SRBD1: variants seen among roughly 807,000 people sequenced by gnomAD.
SRBD1 encodes the protein S1 RNA binding domain 1.
Under a neutral mutation model 115.3 loss-of-function variants are expected in SRBD1, and 88 were observed. The ratio of observed to expected loss-of-function variants is 0.76; its 90% confidence interval spans 0.64 to 0.91. The LOEUF (loss-of-function observed/expected upper bound fraction) is 0.91. SRBD1 is among the 40% of genes least tolerant of loss of function. SRBD1 has a pLI of 0.00. For synonymous variants in SRBD1, 509 were observed against 407.7 expected, an observed-to-expected ratio of 1.25 and a Z score of -2.99; for missense variants, 1,385 against 1,177.4, an observed-to-expected ratio of 1.18 and a Z score of -2.58.
intron 16 of SRBD1, among the ~76,000 whole-genome samples, chr2:45,470,564 G>C (rs1005632896): frequency 6.6e-6 from 1 of 152,146 alleles, no homozygotes; most frequent in Non-Finnish European, 1.5e-5. Context: ...TAATGAGCAT[G>C]AAAGTACCGA....
intron 20 of SRBD1, among the ~76,000 whole-genome samples, chr2:45,390,543 C>T (rs147238259): frequency 1.6e-3 from 237 of 152,254 alleles, no homozygotes; most frequent in Non-Finnish European, 2.5e-3. Context: ...ATCCATGCTC[C>T]TCCTGAAGGC....
chr2:45,501,805 G>A (rs1427238080), intron 14 of SRBD1, among the ~76,000 whole-genome samples: 1 of 152,164 alleles, frequency 6.6e-6, no homozygotes, highest in Non-Finnish European at 1.5e-5. Flanking sequence ...CTCGAACTGG[G>A]TGGAGTCCAC....
intron 14 of SRBD1, among the ~76,000 whole-genome samples, chr2:45,522,307 T>C (rs561793048): frequency 6.6e-6 from 1 of 152,252 alleles, no homozygotes; most frequent in East Asian, 1.9e-4. Context: ...CAAGTAGCTG[T>C]AGCTGGGACT....
At position 45,551,275 on chromosome 2, in the gene SRBD1, G is replaced by A. The variant is rs753915787; in HGVS notation, c.1525C>T (p.Leu509=). Residue 509 remains leucine (L), a synonymous_variant, in exon 12 of 21, where the codon CTA becomes TTA. Coordinates refer to ENST00000263736, the MANE Select transcript of SRBD1 (RefSeq NM_018079.5). ...PLLCREFRAK[L]TSDAEKESVM... is the part of the protein sequence containing the mutation. ...GATTCCTTCTCTGCATCTGATGTTAGTTTGGCTCTTTAGAAATAGAAGAAA... is the reference window on the plus strand; with the variant it reads ...GATTCCTTCTCTGCATCTGATGTTAATTTGGCTCTTTAGAAATAGAAGAAA... 1 of 1,590,278 alleles carries A rather than the reference G, an allele frequency of 6.3e-7. No individual in the cohort carries two copies. Among genetic ancestry groups the A allele is most frequent in the Non-Finnish European group, 8.5e-7 (1 of 1,174,924 alleles).
chr2:45,411,566 CG>C (rs1667604105), intron 19 of SRBD1, among the ~76,000 whole-genome samples: 1 of 152,092 alleles, frequency 6.6e-6, no homozygotes, highest in African/African-American at 2.4e-5. Flanking sequence ...AGTAACTGAT[CG>C]GAAGAGGTAT....
intron 14 of SRBD1, among the ~76,000 whole-genome samples, chr2:45,502,595 A>G (rs1670668098): frequency 6.8e-6 from 1 of 146,578 alleles, no homozygotes; most frequent in Non-Finnish European, 1.5e-5. Context: ...AAAACCATAC[A>G]CCGCATGTTC....
At chr2:45,425,933 C>T (rs1049099335) in intron 16 of SRBD1, among the ~76,000 whole-genome samples, 216 of 152,158 alleles carry the variant, frequency 1.4e-3, no homozygotes, top group Non-Finnish European at 1.2e-4. Context: ...ATTTGGGCAA[C>T]ACTGAGCTAG....
chr2:45,407,986 C>T (rs1027962041), intron 19 of SRBD1, among the ~76,000 whole-genome samples: 1 of 152,060 alleles, frequency 6.6e-6, no homozygotes, highest in African/African-American at 2.4e-5. Context: ...AAATATGAGA[C>T]AGACTATCAT....
intron 10 of SRBD1, among the ~76,000 whole-genome samples, chr2:45,556,474 T>C (rs912900391): frequency 1.5e-5 from 2 of 132,418 alleles, no homozygotes; most frequent in Admixed American, 7.7e-5. Context: ...TTTTTTTTTT[T>C]TGAGACAGAG....
chr2:45,537,747 G>A (rs532062128), intron 14 of SRBD1, among the ~76,000 whole-genome samples: 4 of 152,118 alleles, frequency 2.6e-5, no homozygotes, highest in Non-Finnish European at 5.9e-5. Flanking sequence ...TCCATCACAT[G>A]CCAAGTGGAA....
intron 16 of SRBD1, among the ~76,000 whole-genome samples, chr2:45,471,828 A>G (rs1391210787): frequency 1.3e-5 from 2 of 151,596 alleles, no homozygotes; most frequent in African/African-American, 4.9e-5. Flanking sequence ...ATATAAACCA[A>G]CTATAAATGT....
At chr2:45,469,719 G>C (rs1229778928) in intron 16 of SRBD1, among the ~76,000 whole-genome samples, 1 of 152,176 alleles carries the variant, frequency 6.6e-6, no homozygotes, top group Non-Finnish European at 1.5e-5. Flanking sequence ...TAACACATGA[G>C]TTGGGTTCAT....
intron 9 of SRBD1, among the ~76,000 whole-genome samples, 174 bp downstream of exon 9, chr2:45,573,033 C>T (rs796438768): frequency 1.2e-4 from 19 of 152,204 alleles, no homozygotes; most frequent in African/African-American, 4.6e-4. Context: ...TTCTCCGGGT[C>T]ATTACTTCCC....
chr2:45,444,592 A>T (rs942845946), intron 16 of SRBD1, among the ~76,000 whole-genome samples: 2 of 152,236 alleles, frequency 1.3e-5, no homozygotes, highest in Admixed American at 6.5e-5. Flanking sequence ...CAAAATATGC[A>T]AATAAATAGA....
intron 14 of SRBD1, among the ~76,000 whole-genome samples, chr2:45,526,702 C>A (rs1275410295): frequency 1.3e-5 from 2 of 151,382 alleles, no homozygotes; most frequent in Non-Finnish European, 3.0e-5. Context: ...TCAATCAACT[C>A]AAAAATAGAA....
chr2:45,411,814 C>CA (rs1214020176), intron 19 of SRBD1, among the ~76,000 whole-genome samples: 1 of 152,074 alleles, frequency 6.6e-6, no homozygotes, highest in African/African-American at 2.4e-5. Context: ...TGGAATGCAT[C>CA]AAAAACATAA....
chr2:45,423,291 T>A lies in SRBD1; in HGVS notation c.2050-3397A>T, dbSNP rs150330727. 2.6e-5 allele frequency among the ~76,000 whole-genome samples: 4 copies of A among 152,270 alleles called. 1 individual carries two copies. Among genetic ancestry groups the A allele is most frequent in the African/African-American group, 9.6e-5 (4 of 41,556 alleles). Reference sequence around the variant, plus strand: ...ATGTGAAGCAAATGGAATGCTCAAGTGATAAATGCATTTTAGGTTAGATAT... The same window carrying A: ...ATGTGAAGCAAATGGAATGCTCAAGAGATAAATGCATTTTAGGTTAGATAT... On this transcript the variant is annotated intron_variant, in intron 16 of 20. Coordinates refer to ENST00000263736, the MANE Select transcript of SRBD1 (RefSeq NM_018079.5).
intron 14 of SRBD1, among the ~76,000 whole-genome samples, chr2:45,510,962 T>C (rs768258022): frequency 3.3e-5 from 5 of 152,238 alleles, no homozygotes; most frequent in Non-Finnish European, 7.3e-5. Flanking sequence ...AGTGTTTTCA[T>C]AGTGAATGAC....
At chr2:45,603,992 C>A (rs1227449104) in intron 2 of SRBD1, among the ~76,000 whole-genome samples, 4 of 152,170 alleles carry the variant, frequency 2.6e-5, no homozygotes, top group Non-Finnish European at 5.9e-5. Context: ...CTCTTCCAGT[C>A]TTTCCAAAAT....
Sources: allele counts gnomAD v4.1 joint callset (sites outside exome capture counted in the v4.1 genomes callset), GRCh38; gene constraint gnomAD v4.1.1; transcripts MANE v1.5; gene names NCBI Gene and HGNC (gene_info 2026-07-23, HGNC 2026-07-21).